Variants in ZNF718 observed in about 807,000 individuals in gnomAD.
The protein encoded by ZNF718 is zinc finger protein 718.
In ZNF718, 3 loss-of-function variants were observed where a neutral mutation model predicts 2.6. The observed-to-expected ratio is 1.16, with a 90% CI of 0.53 to 3.01. The LOEUF (loss-of-function observed/expected upper bound fraction) is 3.01. Ranked by LOEUF, ZNF718 falls within the 30% of genes most tolerant of loss-of-function variation. The pLI, the probability that ZNF718 is intolerant of heterozygous loss-of-function variation, is 0.03. For missense variants in ZNF718, 468 were observed against 230.0 expected, an observed-to-expected ratio of 2.03 and a Z score of -6.69; for synonymous variants, 135 against 77.9, an observed-to-expected ratio of 1.73 and a Z score of -3.86.
chr4:179,890 T>C (rs1203112665), intron 3 of ZNF718, among the ~76,000 whole-genome samples: 1 of 152,180 alleles, frequency 6.6e-6, no homozygotes, highest in Non-Finnish European at 1.5e-5. Flanking sequence ...CATTGTGTCA[T>C]TTAATTAAAA....
rs1291372678 is a variant in ZNF718, at chr4:127,176, G to A, written c.3+2503G>A. On this transcript the variant is annotated intron_variant, in intron 1 of 3. Coordinates refer to ENST00000510175, the MANE Select transcript of ZNF718 (RefSeq NM_001039127.6). ...CATGCACTGTTTAGAAGTACTGGAC[G>A]TTATATACAAAGTGCCCACCAGGCT... 1.9e-5 allele frequency among the ~76,000 whole-genome samples: 2 copies of A among 105,440 alleles called. 1 individual carries two copies. Among genetic ancestry groups the A allele is most frequent in the African/African-American group, 6.6e-5 (2 of 30,458 alleles). 69.2% of individuals were successfully genotyped at this position (105,440 alleles called of 152,430 possible). A position where few individuals can be genotyped will look rare whatever the true frequency, so the allele number is the denominator to read the frequency against.
Position 172,085 on chromosome 4 carries a change from A to G in ZNF718, c.227-28996A>G, listed in dbSNP as rs533777736. Among the ~76,000 whole-genome samples, 14 of 152,322 alleles carry G rather than the reference A, an allele frequency of 9.2e-5. No homozygotes were observed. In the East Asian group the frequency reaches 2.5e-3, roughly 27 times the overall value. On this transcript the variant is annotated intron_variant and NMD_transcript_variant, in intron 3 of 4. Coordinates refer to the ZNF718 transcript ENST00000642529. ...CTATATTCTATATTTATTGTAAAGC[A>G]TATACCGTACATGGTGACTAGTCAC... is the stretch of plus-strand genomic sequence containing the variant.
intron 3 of ZNF718, among the ~76,000 whole-genome samples, chr4:189,656 G>T (rs1186841287): frequency 2.6e-5 from 4 of 152,180 alleles, no homozygotes; most frequent in African/African-American, 9.7e-5. Context: ...TTCCAGTACA[G>T]TGTTAAACAG....
intron 3 of ZNF718, among the ~76,000 whole-genome samples, chr4:190,444 AAAG>A (rs1292683555): frequency 1.1e-3 from 161 of 151,744 alleles, no homozygotes; most frequent in African/African-American, 3.5e-3. Flanking sequence ...AAAAAAAAAA[AAAG>A]AAGTTTTAAG....
intron 3 of ZNF718, among the ~76,000 whole-genome samples, chr4:170,896 G>T (rs912525495): frequency 3.3e-5 from 5 of 152,160 alleles, no homozygotes; most frequent in African/African-American, 1.2e-4. Flanking sequence ...GTGAGGAGCT[G>T]CGTTCCTTTG....
chr4:167,494 C>T (rs902965901), downstream of ZNF718, among the ~76,000 whole-genome samples: 3 of 152,196 alleles, frequency 2.0e-5, no homozygotes, highest in South Asian at 6.2e-4. Flanking sequence ...GTGGAATGTT[C>T]TTCCATTTGT....
intron 3 of ZNF718, among the ~76,000 whole-genome samples, chr4:145,858 G>C (rs892679090): frequency 6.6e-6 from 1 of 151,972 alleles, no homozygotes; most frequent in Admixed American, 6.6e-5. Context: ...GACCAGGCTG[G>C]TTTTGAACTC....
chr4:131,441 C>T lies in ZNF718; in HGVS notation c.162C>T (p.Thr54=). 1.9e-6 allele frequency: 1 copy of T among 522,088 alleles called. No individual in the cohort carries two copies. Among genetic ancestry groups the T allele is most frequent in the Non-Finnish European group, 3.0e-6 (1 of 332,884 alleles). The allele number at this position is 522,088 out of a possible 1,614,324, so 32.3% of individuals were successfully genotyped here. The part of the protein sequence containing the change: ...GVSISNPDLV[T]SLEQRKEPYN... ...GTATCTCTAACCCAGACCTGGTCACCAGTCTGGAGCAAAGAAAAGAGCCCT... is the reference window on the plus strand; with the variant it reads ...GTATCTCTAACCCAGACCTGGTCACTAGTCTGGAGCAAAGAAAAGAGCCCT... Residue 54 remains threonine (T), a synonymous_variant, in exon 3 of 4, where the codon ACC becomes ACT. Transcript: ENST00000510175.
intron 3 of ZNF718, among the ~76,000 whole-genome samples, chr4:171,402 T>C (rs540273258): frequency 2.5e-4 from 38 of 152,168 alleles, no homozygotes; most frequent in Non-Finnish European, 5.0e-4. Flanking sequence ...CTGCAGAGGA[T>C]TCTGCTGCCT....
In ZNF718 at chr4:128,722, A is replaced by C. The variant is rs1715290698; in HGVS notation, c.4-2066A>C. Among the ~76,000 whole-genome samples, 11 of 103,054 alleles carry C rather than the reference A, an allele frequency of 1.1e-4. 3 individuals are homozygous for C. Among genetic ancestry groups the C allele is most frequent in the African/African-American group, 1.7e-4 (5 of 29,608 alleles). The allele number at this position is 103,054 out of a possible 152,430, so 67.6% of individuals were successfully genotyped here. Reference sequence around the variant, plus strand: ...ACTGGGGTCAGTCTGACAAGGTCTAATTCTGCTCCCATTTCAGAGGAAGAT... The same window carrying C: ...ACTGGGGTCAGTCTGACAAGGTCTACTTCTGCTCCCATTTCAGAGGAAGAT... On this transcript the variant is annotated intron_variant, in intron 1 of 3. Coordinates refer to ENST00000510175, the MANE Select transcript of ZNF718 (RefSeq NM_001039127.6).
chr4:189,927 G>A (rs1054382810), intron 3 of ZNF718, among the ~76,000 whole-genome samples: 14 of 152,130 alleles, frequency 9.2e-5, no homozygotes, highest in African/African-American at 3.4e-4. Context: ...AAAATATTAA[G>A]CCAACACTGC....
chr4:139,693 A>G (rs1275631266), intron 3 of ZNF718, among the ~76,000 whole-genome samples: 3 of 152,246 alleles, frequency 2.0e-5, no homozygotes, highest in Non-Finnish European at 4.4e-5. Flanking sequence ...GGACACCTAC[A>G]ACTGGTAACG....
chr4:182,268 T>C (rs1452780781), intron 3 of ZNF718, among the ~76,000 whole-genome samples: 1 of 151,740 alleles, frequency 6.6e-6, no homozygotes, highest in Non-Finnish European at 1.5e-5. Flanking sequence ...TTGAACTAAT[T>C]TACACTCTCA....
chr4:184,438 A>C (rs2108814260), intron 3 of ZNF718, among the ~76,000 whole-genome samples: 1 of 152,256 alleles, frequency 6.6e-6, no homozygotes, highest in East Asian at 1.9e-4. Flanking sequence ...TTTTGCATCC[A>C]TGTTTATCAA....
At chr4:176,061 C>G (rs1553819046) in intron 3 of ZNF718, among the ~76,000 whole-genome samples, 1 of 151,970 alleles carries the variant, frequency 6.6e-6, no homozygotes, top group Non-Finnish European at 1.5e-5. Context: ...ACTATGCAGC[C>G]TAATGCTCTA....
downstream of ZNF718, among the ~76,000 whole-genome samples, chr4:165,626 C>T (rs185436029): frequency 3.8e-4 from 58 of 152,274 alleles, no homozygotes; most frequent in African/African-American, 1.2e-3. Flanking sequence ...TGGCAAAACC[C>T]CGTTTCTACT....
chr4:159,258 G>A (rs545834361), intron 3 of ZNF718, among the ~76,000 whole-genome samples: 7 of 151,878 alleles, frequency 4.6e-5, no homozygotes, highest in African/African-American at 9.7e-5. Flanking sequence ...GGATGGTCTC[G>A]AACTCCTGAC....
chr4:144,012 C>T (rs1291666579), intron 3 of ZNF718, among the ~76,000 whole-genome samples: 6 of 152,168 alleles, frequency 3.9e-5, no homozygotes, highest in African/African-American at 1.4e-4. Flanking sequence ...CCAATTCACA[C>T]TTCAGCTATA....
intron 3 of ZNF718, among the ~76,000 whole-genome samples, chr4:171,659 T>C (rs1212463352): frequency 2.6e-5 from 4 of 152,128 alleles, no homozygotes; most frequent in African/African-American, 9.7e-5. Context: ...TGGGATATAA[T>C]CTCCTGGTGT....
Sources: gnomAD v4.1 joint callset for allele counts (sites outside exome capture counted in the v4.1 genomes callset) on GRCh38, gnomAD v4.1.1 for gene constraint, MANE v1.5 for transcripts, NCBI Gene and HGNC (gene_info 2026-07-23, HGNC 2026-07-21) for gene names.